VAV3: variants seen among roughly 807,000 people sequenced by gnomAD.
VAV3 encodes the protein vav guanine nucleotide exchange factor 3.
Under a neutral mutation model 131.2 loss-of-function variants are expected in VAV3, and 94 were observed. The ratio of observed to expected loss-of-function variants is 0.72; its 90% CI spans 0.61 to 0.85. VAV3 has a LOEUF of 0.85. VAV3 is among the 40% of genes least tolerant of loss of function. The pLI is 0.00. For missense variants in VAV3, 939 were observed against 1,002.7 expected (o/e 0.94, Z 0.86); for synonymous variants, 349 against 342.0 (o/e 1.02, Z -0.22).
intron 1 of VAV3, among the ~76,000 whole-genome samples, chr1:107,916,599 G>C (rs552642209): frequency 6.6e-6 from 1 of 152,130 alleles, no homozygotes; most frequent in South Asian, 2.1e-4. Flanking sequence ...TTTTACAGGA[G>C]TTCAATAAAT....
chr1:107,766,707 GGA>G (rs1471897772), intron 7 of VAV3, among the ~76,000 whole-genome samples, 157 bp from the exon 8 acceptor site: 1 of 152,020 alleles, frequency 6.6e-6, no homozygotes, highest in East Asian at 1.9e-4. Context: ...AGAGGGAAAA[GGA>G]GAGTGGGGAG....
chr1:107,794,690 G>A (rs186820530), intron 2 of VAV3, among the ~76,000 whole-genome samples: 1 of 152,296 alleles, frequency 6.6e-6, no homozygotes. Flanking sequence ...AGGAGCCCTG[G>A]AAGACTTCTT....
chr1:107,894,971 C>A lies in VAV3; in HGVS notation c.205-19954G>T, dbSNP rs79073014. ...CACAAAAGGTGCTATAAATTGTTTA[C>A]AACAGATCTCAGCCCCTCTCACCTC... On this transcript the variant is annotated intron_variant, in intron 1 of 26. Coordinates refer to ENST00000370056, the MANE Select transcript of VAV3 (RefSeq NM_006113.5). Among the ~76,000 whole-genome samples the A allele has an allele frequency of 9.2e-3, 1,402 of 152,270 alleles. 18 individuals are homozygous for A. The highest frequency in any genetic ancestry group is 0.032 in the African/African-American group (1,338 of 41,546).
chr1:107,719,050 A>G (rs994722442), intron 15 of VAV3, among the ~76,000 whole-genome samples: 1 of 152,236 alleles, frequency 6.6e-6, no homozygotes, highest in Non-Finnish European at 1.5e-5. Context: ...TTATACAAAC[A>G]TTAATTCAAG....
chr1:107,666,522 C>T (rs1252199005), intron 19 of VAV3, among the ~76,000 whole-genome samples: 1 of 151,278 alleles, frequency 6.6e-6, no homozygotes, highest in African/African-American at 2.4e-5. Flanking sequence ...ATCACCGTGG[C>T]TTCTGATCCC....
At chr1:107,596,655 T>TA (rs1451811228) in intron 24 of VAV3, among the ~76,000 whole-genome samples, 1 of 152,128 alleles carries the variant, frequency 6.6e-6, no homozygotes. Flanking sequence ...AGTTTCAGAG[T>TA]AGTAATTATT....
chr1:107,962,479 C>T (rs1401949579), intron 1 of VAV3, among the ~76,000 whole-genome samples: 1 of 152,162 alleles, frequency 6.6e-6, no homozygotes, highest in Admixed American at 6.5e-5. Context: ...TTATTAAGTA[C>T]ATGTGCTAGG....
In VAV3 at chr1:107,572,141, A is replaced by T. The variant is rs1649305470; in HGVS notation, c.*1190T>A. On this transcript the variant is annotated 3_prime_UTR_variant, in exon 27 of 27. Transcript: ENST00000370056. The stretch of plus-strand genomic sequence containing the variant: ...TGTATTTAGGCTCCTCACAAAAAAG[A>T]GTGATGGCTGGGCAAAACAAATGTA... 2 of 152,272 alleles carry T rather than the reference A, an allele frequency of 1.3e-5. 1 individual carries two copies. The highest frequency in any genetic ancestry group is 4.1e-4 in the South Asian group (2 of 4,836). The allele number at this position is 152,272 out of a possible 1,614,324, so 9.4% of individuals were successfully genotyped here. A position where few individuals can be genotyped will look rare whatever the true frequency, so the allele number is the denominator to read the frequency against.
At chr1:107,700,216 TATG>T in intron 17 of VAV3, among the ~76,000 whole-genome samples, 1 of 152,246 alleles carries the variant, frequency 6.6e-6, no homozygotes. Flanking sequence ...TTTCATGGTC[TATG>T]CAGTCAACTT....
At chr1:107,779,218 G>A (rs188271640) in intron 3 of VAV3, among the ~76,000 whole-genome samples, 53 of 150,380 alleles carry the variant, frequency 3.5e-4, no homozygotes, top group Non-Finnish European at 6.2e-4. Flanking sequence ...CCTGTGAATT[G>A]AGAACAATGT....
At chr1:107,838,445 A>G (rs1668565470) in intron 2 of VAV3, among the ~76,000 whole-genome samples, 1 of 152,208 alleles carries the variant, frequency 6.6e-6, no homozygotes, top group Non-Finnish European at 1.5e-5. Flanking sequence ...AAGACAAAAA[A>G]TAACAAATGT....
At chr1:107,894,218 A>AT (rs1322866143) in intron 1 of VAV3, among the ~76,000 whole-genome samples, 5 of 152,246 alleles carry the variant, frequency 3.3e-5, no homozygotes, top group African/African-American at 9.6e-5. Flanking sequence ...TTATTAATTT[A>AT]AATTTTCACA....
rs574972471 is a variant in VAV3 at position 107,719,925 on chromosome 1, T to C, written c.1503-14864A>G. The stretch of plus-strand genomic sequence containing the variant: ...TCCTTTGTAGCAACATGGATGAAGC[T>C]GGAAACCATCATTCTGAGCAAACTA... On this transcript the variant is annotated intron_variant, in intron 15 of 26. Transcript: ENST00000370056. Among the ~76,000 whole-genome samples the C allele has an allele frequency of 3.9e-5, 6 of 152,304 alleles. No homozygotes were observed. In the East Asian group the frequency reaches 1.2e-3, roughly 29 times the overall value.
In VAV3 at chr1:107,593,978, T is replaced by C. The variant is rs1651172910; in HGVS notation, c.2350+2234A>G. Among the ~76,000 whole-genome samples, 6 of 152,056 alleles carry C rather than the reference T, an allele frequency of 3.9e-5. No individual in the cohort carries two copies. In the South Asian group the frequency reaches 1.2e-3, roughly 31 times the overall value. On this transcript the variant is annotated intron_variant, in intron 25 of 26. Coordinates refer to ENST00000370056, the MANE Select transcript of VAV3 (RefSeq NM_006113.5). ...TAAGTGCTTTATATAGAACACCTCA[T>C]TTAGTCCTCAGAACCATCTTAGTCT...
intron 20 of VAV3, among the ~76,000 whole-genome samples, chr1:107,619,600 AAAAC>A (rs1480954475): frequency 1.3e-5 from 2 of 152,200 alleles, no homozygotes; most frequent in Admixed American, 6.5e-5. Flanking sequence ...AATGCTTTAA[AAAAC>A]AAACAAGACC....
At chr1:107,829,208 T>C (rs1317569486) in intron 2 of VAV3, among the ~76,000 whole-genome samples, 1 of 152,144 alleles carries the variant, frequency 6.6e-6, no homozygotes, top group Non-Finnish European at 1.5e-5. Context: ...CCAGAGCAAA[T>C]GAAAGGGGAT....
intron 22 of VAV3, among the ~76,000 whole-genome samples, chr1:107,609,205 T>G (rs537797062): frequency 2.0e-5 from 3 of 152,238 alleles, no homozygotes; most frequent in Admixed American, 6.5e-5. Context: ...TATTAGTTAT[T>G]ATGACATCAT....
intron 2 of VAV3, among the ~76,000 whole-genome samples, chr1:107,847,168 G>A (rs761212356): frequency 3.9e-5 from 6 of 152,150 alleles, no homozygotes; most frequent in Non-Finnish European, 5.9e-5. Flanking sequence ...GCTCCTGAAC[G>A]ACTACTGGGT....
Position 107,851,871 on chromosome 1 carries a change from T to C in VAV3, c.321+23030A>G, listed in dbSNP as rs999614931. ...TTTGAGAAAATACAGTAACTGATGC[T>C]ATTTTACGAGTTTGCTGATTTTTTT... On this transcript the variant is annotated intron_variant, in intron 2 of 26. Transcript: ENST00000370056. 5.6e-4 allele frequency among the ~76,000 whole-genome samples: 86 copies of C among 152,334 alleles called. 1 individual carries two copies. Among genetic ancestry groups the C allele is most frequent in the African/African-American group, 2.0e-3 (84 of 41,566 alleles).
Sources: gnomAD v4.1 joint callset for allele counts (sites outside exome capture counted in the v4.1 genomes callset) on GRCh38, gnomAD v4.1.1 for gene constraint, MANE v1.5 for transcripts, NCBI Gene and HGNC (gene_info 2026-07-23, HGNC 2026-07-21) for gene names.